The following SMARCA2 variants were observed in gnomAD, a reference collection of about 807,000 sequenced individuals.
SMARCA2 encodes the protein SWI/SNF-related matrix-associated actin-dependent regulator of chromatin subfamily A member 2.
A neutral mutation model predicts 199.8 loss-of-function variants in SMARCA2; 61 were observed. The observed-to-expected ratio is 0.31, with a 90% CI of 0.25 to 0.38. The LOEUF (loss-of-function observed/expected upper bound fraction) is 0.38, where lower values mean the gene tolerates loss of function less well. SMARCA2 is among the 10% of genes least tolerant of loss of function. The pLI is 1.00. For missense variants in SMARCA2, 1,344 were observed against 2,012.2 expected (o/e 0.67, Z 6.35); for synonymous variants, 935 against 732.0 (o/e 1.28, Z -4.48).
intron 21 of SMARCA2, 124 bp downstream of exon 21, chr9:2,097,595 G>T: frequency 1.6e-6 from 1 of 611,426 alleles, no homozygotes; most frequent in Non-Finnish European, 2.9e-6. Context: ...CGGAAGTTGA[G>T]ATGACATGAT....
intron 27 of SMARCA2, chr9:2,157,752 C>A: frequency 2.5e-6 from 1 of 394,366 alleles, no homozygotes; most frequent in Non-Finnish European, 4.5e-6. Flanking sequence ...CCCTGTTTAC[C>A]TATTCATAAT....
chr9:2,045,252 A>G (rs1307714528), intron 4 of SMARCA2: 1 of 152,226 alleles, frequency 6.6e-6, no homozygotes, highest in Admixed American at 6.5e-5. Flanking sequence ...TAAATGTATT[A>G]AATTCCTGAT....
intron 30 of SMARCA2, 56 bp downstream of exon 30, chr9:2,181,732 G>A (rs1827036715): frequency 1.0e-6 from 1 of 957,992 alleles, no homozygotes. Context: ...GCAGTGTAAA[G>A]TCATTGAAAT....
intron 9 of SMARCA2, among the ~76,000 whole-genome samples, chr9:2,063,738 C>G (rs1034856985): frequency 5.5e-5 from 1 of 18,092 alleles, no homozygotes; most frequent in African/African-American, 1.1e-4. Context: ...AACTAGTGTA[C>G]AATTTTTTTT....
In SMARCA2 at chr9:2,104,465, C is replaced by G. The variant is rs527357433; in HGVS notation, c.3292+296C>G. On this transcript the variant is annotated intron_variant, in intron 23 of 33. Coordinates refer to ENST00000349721, the MANE Select transcript of SMARCA2 (RefSeq NM_003070.5). This position sits in a 1 kb window ranked among gnomAD's most constrained non-coding sequence, Gnocchi z 4.0. ...TTAAAATTTTAAAATCTTCCTTGCT[C>G]TTAAAATTGTTACCTATGTGCCAAA... is the stretch of plus-strand genomic sequence containing the variant. Among the ~76,000 whole-genome samples the G allele has an allele frequency of 1.8e-3, 271 of 152,246 alleles. 1 individual carries two copies. Among genetic ancestry groups the G allele is most frequent in the African/African-American group, 6.3e-3 (263 of 41,556 alleles).
At chr9:2,184,252 T>G (rs1030212865) in intron 31 of SMARCA2, among the ~76,000 whole-genome samples, 3 of 152,154 alleles carry the variant, frequency 2.0e-5, no homozygotes, top group Admixed American at 2.0e-4. Flanking sequence ...CTCTTTAAGA[T>G]CATTCGAGAC....
Position 2,192,716 on chromosome 9 carries a change from G to A in SMARCA2, c.4750G>A (p.Gly1584Arg), listed in dbSNP as rs887291939. The A allele has an allele frequency of 2.5e-6, 4 of 1,608,526 alleles. No individual in the cohort carries two copies. Among genetic ancestry groups the A allele is most frequent in the East Asian group, 2.2e-5 (1 of 44,848 alleles). The change falls in exon 34 of 34, where the codon GGA (glycine) becomes AGA (arginine). Residue 1584 changes from glycine to arginine, a missense_variant. This residue lies in a region of SMARCA2 where 155 missense variants were observed against 121.1 expected (regional missense o/e 1.28). Coordinates refer to ENST00000349721, the MANE Select transcript of SMARCA2 (RefSeq NM_003070.5). ...TTTTTACTTTTAGGAACAGTCAGAA[G>A]GAAGTGGGACGGATGATGAGTGATC... The part of the protein sequence containing the change: ...EEQDEREQSE[G>R]SGTDDE
In SMARCA2 at chr9:2,058,360, A is replaced by G. The variant is rs1299783147; in HGVS notation, c.1417A>G (p.Ile473Val). 1 of 1,614,206 alleles carries G rather than the reference A, an allele frequency of 6.2e-7. No individual in the cohort carries two copies. Among genetic ancestry groups the G allele is most frequent in the South Asian group, 1.1e-5 (1 of 91,084 alleles). Reference protein sequence around the residue: ...KEYHRSVAGKIQKLSKAVATW... With the variant: ...KEYHRSVAGKVQKLSKAVATW... The stretch of plus-strand genomic sequence containing the variant: ...ATATCATCGGTCTGTGGCCGGAAAG[A>G]TCCAGAAGCTCTCCAAAGCAGTGGC... The change falls in exon 8 of 34, where the codon ATC becomes GTC. Residue 473 changes from isoleucine to valine, a missense_variant. Physicochemically the swap from Ile to Val is conservative, Grantham distance 29. Transcript: ENST00000349721.
chr9:2,056,924 T>A lies in SMARCA2; in HGVS notation c.1347+79T>A. On this transcript the variant is annotated intron_variant, in intron 7 of 33. Coordinates refer to ENST00000349721, the MANE Select transcript of SMARCA2 (RefSeq NM_003070.5). The surrounding 1 kb of genome is among the most constrained non-coding windows in gnomAD (Gnocchi z 4.0). ...ATTCATCAAATGGGGTCAGAATGACTGAAAAATGGACCCTTGTGGGTGGTG... is the reference window on the plus strand; with the variant it reads ...ATTCATCAAATGGGGTCAGAATGACAGAAAAATGGACCCTTGTGGGTGGTG... 2 of 1,332,532 alleles carry A rather than the reference T, an allele frequency of 1.5e-6. No individual in the cohort carries two copies. The highest frequency in any genetic ancestry group is 2.2e-5 in the Admixed American group (1 of 45,772). 82.5% of individuals were successfully genotyped at this position (1,332,532 alleles called of 1,614,324 possible).
chr9:2,060,695 C>G (rs1432460496), intron 8 of SMARCA2, 121 bp from the exon 9 acceptor site: 9 of 835,898 alleles, frequency 1.1e-5, no homozygotes, highest in Non-Finnish European at 1.7e-5. Context: ...CAGCCCAACT[C>G]ATCCAGTTTG....
At chr9:2,042,586 A>G (rs1819654159) in intron 4 of SMARCA2, 1 of 152,182 alleles carries the variant, frequency 6.6e-6, no homozygotes, top group South Asian at 2.1e-4. Flanking sequence ...ACCTGTACAC[A>G]ATAAATGCTT....
In SMARCA2 at chr9:2,104,635, G is replaced by C. The variant is rs1320563280; in HGVS notation, c.3292+466G>C. 6.6e-6 allele frequency among the ~76,000 whole-genome samples: 1 copy of C among 152,028 alleles called. No individual in the cohort carries two copies. The highest frequency in any genetic ancestry group is 2.4e-5 in the African/African-American group (1 of 41,382). On this transcript the variant is annotated intron_variant, in intron 23 of 33. Coordinates refer to ENST00000349721, the MANE Select transcript of SMARCA2 (RefSeq NM_003070.5). The surrounding 1 kb of genome is among the most constrained non-coding windows in gnomAD (Gnocchi z 4.0). ...TTAAAGCCCCTCTCTTCCTAAATAA[G>C]ACGTATCCACATGTTACATTGTTAA...
chr9:2,181,560 C>G lies in SMARCA2; in HGVS notation c.4254-11C>G. 1.4e-6 allele frequency: 2 copies of G among 1,405,886 alleles called. No individual in the cohort carries two copies. Among genetic ancestry groups the G allele is most frequent in the Non-Finnish European group, 1.0e-6 (1 of 991,116 alleles). The allele number at this position is 1,405,886 out of a possible 1,614,324, so 87.1% of individuals were successfully genotyped here. On this transcript the variant is annotated splice_polypyrimidine_tract_variant and intron_variant, in intron 29 of 33. Coordinates refer to ENST00000349721, the MANE Select transcript of SMARCA2 (RefSeq NM_003070.5). ...TGTGGCTTGTTTTTGTTTGTTTCAC[C>G]CATCCTACAGTTCAGGGCGACAGCT...
rs1337433070 is a variant in SMARCA2, at chr9:2,070,429, G to A, written c.1704G>A (p.Glu568=). The A allele has an allele frequency of 1.2e-6, 2 of 1,613,918 alleles. No homozygotes were observed. Among genetic ancestry groups the A allele is most frequent in the South Asian group, 1.1e-5 (1 of 91,068 alleles). Residue 568 remains glutamate, a synonymous_variant, in exon 10 of 34, where the codon GAG becomes GAA. Coordinates refer to ENST00000349721, the MANE Select transcript of SMARCA2 (RefSeq NM_003070.5). ...KRRRRKKKAE[E]NAEGGESALG... ...TTGTTGTTTTGCAGAAGGCTGAGGA[G>A]AATGCAGAGGGTGGGGAGTCTGCCC...
chr9:2,181,783 G>C (rs548858009), intron 30 of SMARCA2, 107 bp downstream of exon 30: 2 of 673,830 alleles, frequency 3.0e-6, no homozygotes, highest in East Asian at 5.3e-5. Context: ...GGTACCCAGG[G>C]CTCGCGACAG....
At position 2,161,992 on chromosome 9, in the gene SMARCA2, T is replaced by G; in HGVS notation, c.4199+89T>G. 1 of 1,000,050 alleles carries G rather than the reference T, an allele frequency of 1.0e-6. No homozygotes were observed. Among genetic ancestry groups the G allele is most frequent in the Non-Finnish European group, 1.5e-6 (1 of 678,336 alleles). The allele number at this position is 1,000,050 out of a possible 1,614,324, so 61.9% of individuals were successfully genotyped here. ...GAGCAGGAGTTGTTAAGTTGTGCAC[T>G]TAGGTTTTATTAAGGTTCTTTCTAG... On this transcript the variant is annotated intron_variant, in intron 28 of 33. Coordinates refer to ENST00000349721, the MANE Select transcript of SMARCA2 (RefSeq NM_003070.5). This position sits in a 1 kb window ranked among gnomAD's most constrained non-coding sequence, Gnocchi z 4.7.
chr9:2,116,046 T>C lies in SMARCA2; in HGVS notation c.3681T>C (p.Asn1227=). 6.2e-7 allele frequency: 1 copy of C among 1,610,838 alleles called. No individual in the cohort carries two copies. The highest frequency in any genetic ancestry group is 8.5e-7 in the Non-Finnish European group (1 of 1,177,344). The change falls in exon 25 of 34, where the codon AAT becomes AAC. Residue 1227 remains asparagine (N), a synonymous_variant. Coordinates refer to ENST00000349721, the MANE Select transcript of SMARCA2 (RefSeq NM_003070.5). ...LQAILEHEEE[N]EEEDEVPDDE... is the part of the protein sequence containing the mutation. ...CCATCTTGGAGCATGAGGAGGAAAA[T>C]GAGGTATTAGAGAAAACCCCAAGTT...
Position 2,029,167 on chromosome 9 carries a change from G to A in SMARCA2, c.145G>A (p.Gly49Arg). Reference protein sequence around the residue: ...SVHSMMGPSPGPPSVSHPMPT... With the variant: ...SVHSMMGPSPRPPSVSHPMPT... ...CCACAGCATGATGGGGCCAAGTCCT[G>A]GACCTCCAAGTGTCTCCCATCCTAT... The change falls in exon 2 of 34, where the codon GGA (glycine) becomes AGA (arginine). Residue 49 changes from glycine (G) to arginine (R), a missense_variant. Gly to Arg is a moderately radical substitution (Grantham distance 125). Transcript: ENST00000349721. The A allele has an allele frequency of 6.2e-7, 1 of 1,613,250 alleles. No homozygotes were observed. The highest frequency in any genetic ancestry group is 1.1e-5 in the South Asian group (1 of 90,738).
At chr9:2,159,297 T>TTCTGAATTTTC (rs932846212) in intron 27 of SMARCA2, 1 of 333,414 alleles carries the variant, frequency 3.0e-6, no homozygotes, top group Non-Finnish European at 5.5e-6. Flanking sequence ...GTTACAGTTG[T>TTCTGAATTTTC]TCTGAATTTT....
Sources: gnomAD v4.1 joint callset for allele counts (sites outside exome capture counted in the v4.1 genomes callset) on GRCh38, gnomAD v4.1.1 for gene constraint, gnomAD v4.1.1 regional missense constraint, Gnocchi (gnomAD v3.1) non-coding constraint, MANE v1.5 for transcripts, NCBI Gene and HGNC (gene_info 2026-07-23, HGNC 2026-07-21) for gene names.